The following DYNC2LI1 variants were observed in gnomAD, a reference collection of about 807,000 sequenced individuals.
DYNC2LI1 encodes the protein dynein cytoplasmic 2 light intermediate chain 1, also known as cytoplasmic dynein 2 light intermediate chain 1.
Under a neutral mutation model 51.9 loss-of-function variants are expected in DYNC2LI1, and 45 were observed. That is an observed-to-expected ratio of 0.87 (90% CI 0.68 to 1.11). The LOEUF (loss-of-function observed/expected upper bound fraction) is 1.11. Ranked by LOEUF, DYNC2LI1 falls within the 50% of genes most tolerant of loss-of-function variation. The pLI, the probability that DYNC2LI1 is intolerant of heterozygous loss-of-function variation, is 0.00. For missense variants in DYNC2LI1, 490 were observed against 417.4 expected (o/e 1.17, Z -1.51); for synonymous variants, 130 against 137.8 (o/e 0.94, Z 0.40).
At chr2:43,801,282 C>T (rs1203865793) in intron 9 of DYNC2LI1, 1 of 161,998 alleles carries the variant, frequency 6.2e-6, no homozygotes. Flanking sequence ...TACTAGCTCC[C>T]TGATTTCTTT....
chr2:43,798,623 A>C (rs1665971655), intron 8 of DYNC2LI1, among the ~76,000 whole-genome samples: 1 of 152,226 alleles, frequency 6.6e-6, no homozygotes, highest in Non-Finnish European at 1.5e-5. Context: ...AGTCAGGTCA[A>C]CGCAGTCCAC....
chr2:43,823,988 G>A, the DYNC2LI1 span: 1 of 1,614,164 alleles, frequency 6.2e-7, no homozygotes, highest in Non-Finnish European at 8.5e-7. Context: ...ACGCGGTCCT[G>A]GATAGCACCC....
At chr2:43,802,624 A>G (rs746597641) in intron 10 of DYNC2LI1, among the ~76,000 whole-genome samples, 6 of 152,120 alleles carry the variant, frequency 3.9e-5, no homozygotes, top group East Asian at 1.9e-4. Context: ...TTTTGCTTCT[A>G]TGAATAGTTG....
chr2:43,785,946 G>A (rs1489508765), intron 3 of DYNC2LI1, among the ~76,000 whole-genome samples: 1 of 151,708 alleles, frequency 6.6e-6, no homozygotes, highest in Non-Finnish European at 1.5e-5. Context: ...CTTAAAAATA[G>A]GTAAGATAAA....
rs1389092584 is a variant in DYNC2LI1, at chr2:43,796,809, T to G, written c.654+14T>G. ...GCATCATTAATGGTTTGTACATTTC[T>G]TGTCCTTTGGGCTTGAATGGACAGT... is the stretch of plus-strand genomic sequence containing the variant. On this transcript the variant is annotated intron_variant, in intron 8 of 12. Coordinates refer to ENST00000260605, the MANE Select transcript of DYNC2LI1 (RefSeq NM_016008.4). 6.2e-7 allele frequency: 1 copy of G among 1,610,596 alleles called. No individual in the cohort carries two copies. The highest frequency in any genetic ancestry group is 1.1e-5 in the South Asian group (1 of 90,890).
At chr2:43,818,217 C>G in the DYNC2LI1 span, among the ~76,000 whole-genome samples, 1 of 151,978 alleles carries the variant, frequency 6.6e-6, no homozygotes, top group Non-Finnish European at 1.5e-5. Flanking sequence ...TTTGGGAGGC[C>G]GAGGTGGGCG....
chr2:43,784,656 A>T (rs1673438613), intron 3 of DYNC2LI1, among the ~76,000 whole-genome samples: 1 of 152,058 alleles, frequency 6.6e-6, no homozygotes, highest in African/African-American at 2.4e-5. Context: ...CTGGTCTCGA[A>T]CTCACGATGT....
downstream of DYNC2LI1, among the ~76,000 whole-genome samples, chr2:43,811,898 C>A (rs1228707024): frequency 6.6e-6 from 1 of 152,072 alleles, no homozygotes; most frequent in Non-Finnish European, 1.5e-5. Context: ...CTGGCCAGAA[C>A]CCATTTTTAA....
chr2:43,826,483 A>G, the DYNC2LI1 span: 1 of 1,614,214 alleles, frequency 6.2e-7, no homozygotes, highest in Non-Finnish European at 8.5e-7. Context: ...GCAGTCATGC[A>G]GTCCAGGCCT....
chr2:43,794,265 A>C, intron 5 of DYNC2LI1, 192 bp from the exon 6 acceptor site: 1 of 537,652 alleles, frequency 1.9e-6, no homozygotes, highest in Non-Finnish European at 3.2e-6. Flanking sequence ...CTTAAATATT[A>C]CTAGAGGAAA....
intron 12 of DYNC2LI1, chr2:43,805,491 A>G: frequency 4.2e-6 from 1 of 235,844 alleles, no homozygotes; most frequent in South Asian, 1.1e-4. Flanking sequence ...GACATGACTT[A>G]GTGTTCACAT....
At chr2:43,824,152 C>G in the DYNC2LI1 span, 7 of 1,613,990 alleles carry the variant, frequency 4.3e-6, no homozygotes, top group African/African-American at 9.3e-5. Flanking sequence ...AATTCCTTTT[C>G]AGAATTGTTA....
the DYNC2LI1 span, chr2:43,824,292 T>A: frequency 1.2e-6 from 2 of 1,614,090 alleles, no homozygotes; most frequent in African/African-American, 2.7e-5. Context: ...GGTAACGTTT[T>A]CAGGTGTTTC....
chr2:43,812,777 T>G (rs1487474986), downstream of DYNC2LI1: 1 of 265,584 alleles, frequency 3.8e-6, no homozygotes, highest in Non-Finnish European at 7.3e-6. Context: ...TAAACATATT[T>G]TTAAGCTGAC....
rs1666207036 is a variant in DYNC2LI1, at chr2:43,805,217, G to C, written c.964G>C (p.Val322Leu). The change falls in exon 12 of 13, where the codon GTC (valine) becomes CTC (leucine). Residue 322 changes from valine to leucine, a missense_variant. Coordinates refer to ENST00000260605, the MANE Select transcript of DYNC2LI1 (RefSeq NM_016008.4). ...ARDPQYAENE[V>L]DEMRIQKDLE... ...AGATCCTCAGTATGCTGAAAATGAAGTCGATGAGATGAGAATTCAGAAGGA... is the reference window on the plus strand; with the variant it reads ...AGATCCTCAGTATGCTGAAAATGAACTCGATGAGATGAGAATTCAGAAGGA... 1.2e-6 allele frequency: 2 copies of C among 1,610,580 alleles called. No individual in the cohort carries two copies. The highest frequency in any genetic ancestry group is 1.7e-6 in the Non-Finnish European group (2 of 1,177,110).
the DYNC2LI1 span, chr2:43,825,118 C>T: frequency 7.0e-7 from 1 of 1,429,964 alleles, no homozygotes; most frequent in Non-Finnish European, 9.7e-7. Flanking sequence ...TCAGGTATTC[C>T]TTATGGTCAC....
At chr2:43,824,121 GA>G in the DYNC2LI1 span, 1 of 1,614,174 alleles carries the variant, frequency 6.2e-7, no homozygotes, top group Non-Finnish European at 8.5e-7. Context: ...TCACTCTCCT[GA>G]AAACAAACAA....
the DYNC2LI1 span, chr2:43,822,895 G>T: frequency 1.2e-6 from 2 of 1,613,970 alleles, no homozygotes; most frequent in African/African-American, 2.7e-5. Flanking sequence ...GGTAGAGGCC[G>T]TCCTGACTCT....
At chr2:43,780,025 C>T (rs1049540334) in intron 2 of DYNC2LI1, among the ~76,000 whole-genome samples, 1 of 152,042 alleles carries the variant, frequency 6.6e-6, no homozygotes, top group Non-Finnish European at 1.5e-5. Context: ...AAACTATGGG[C>T]TCTGAGATGG....
Sources: gnomAD v4.1 joint callset for allele counts (sites outside exome capture counted in the v4.1 genomes callset) on GRCh38, gnomAD v4.1.1 for gene constraint, MANE v1.5 for transcripts, NCBI Gene and HGNC (gene_info 2026-07-23, HGNC 2026-07-21) for gene names.